CHST9: variants seen among roughly 807,000 people sequenced by gnomAD.
CHST9 encodes carbohydrate sulfotransferase 9, also known as GalNAc-4-sulfotransferase 2.
In CHST9, 41 loss-of-function variants were observed where a neutral mutation model predicts 44.4. The observed-to-expected ratio is 0.92, with a 90% CI of 0.72 to 1.20. CHST9 has a LOEUF of 1.20. CHST9 is among the 50% of genes most tolerant of loss of function. The pLI is 0.00. For missense variants in CHST9, 504 were observed against 516.5 expected (o/e 0.98, Z 0.23); for synonymous variants, 171 against 178.4 (o/e 0.96, Z 0.33).
chr18:26,967,781 T>G (rs2056486141), intron 4 of CHST9, among the ~76,000 whole-genome samples: 1 of 152,168 alleles, frequency 6.6e-6, no homozygotes, highest in African/African-American at 2.4e-5. Flanking sequence ...ATCAGTGGAC[T>G]GGGAAGGGTA....
chr18:26,943,340 C>T (rs2056112052), intron 5 of CHST9, among the ~76,000 whole-genome samples: 2 of 152,116 alleles, frequency 1.3e-5, no homozygotes, highest in African/African-American at 4.8e-5. Flanking sequence ...TGATGAGTTA[C>T]AGGGCATCTG....
At chr18:27,133,015 C>A (rs920846551) in intron 2 of CHST9, among the ~76,000 whole-genome samples, 1 of 152,172 alleles carries the variant, frequency 6.6e-6, no homozygotes, top group African/African-American at 2.4e-5. Flanking sequence ...GTCTCAAAAG[C>A]CAGAATGCCC....
At chr18:27,133,146 A>C (rs2143841251) in intron 2 of CHST9, among the ~76,000 whole-genome samples, 1 of 152,340 alleles carries the variant, frequency 6.6e-6, no homozygotes, top group African/African-American at 2.4e-5. Context: ...GGTACCTGCC[A>C]ACAGAACTAA....
At chr18:26,984,729 CAAA>C (rs200222761) in intron 4 of CHST9, among the ~76,000 whole-genome samples, 7 of 61,706 alleles carry the variant, frequency 1.1e-4, no homozygotes, top group Non-Finnish European at 1.5e-4. Flanking sequence ...TACCAAAAGA[CAAA>C]AAAAAAAAAA....
intron 2 of CHST9, among the ~76,000 whole-genome samples, chr18:27,073,431 G>A (rs1258992340): frequency 6.6e-6 from 1 of 151,718 alleles, no homozygotes; most frequent in Non-Finnish European, 1.5e-5. Flanking sequence ...CAGCGCAGGT[G>A]CTGGGTCAAA....
At chr18:27,141,498 G>A (rs1475251842) in intron 2 of CHST9, among the ~76,000 whole-genome samples, 1 of 144,168 alleles carries the variant, frequency 6.9e-6, no homozygotes, top group Non-Finnish European at 1.5e-5. Context: ...GGCTGAGGCA[G>A]AAGAATCACT....
At chr18:26,932,794 G>A (rs2055903399) in intron 5 of CHST9, among the ~76,000 whole-genome samples, 1 of 152,146 alleles carries the variant, frequency 6.6e-6, no homozygotes, top group Admixed American at 6.5e-5. Context: ...TTCTCTTATA[G>A]AACTCTTTTT....
At chr18:27,001,410 T>A (rs922749856) in intron 4 of CHST9, among the ~76,000 whole-genome samples, 1 of 152,192 alleles carries the variant, frequency 6.6e-6, no homozygotes, top group African/African-American at 2.4e-5. Flanking sequence ...GGGTGAAGCA[T>A]TAGCAAAAGT....
intron 1 of CHST9, among the ~76,000 whole-genome samples, chr18:27,181,964 A>G (rs9948409): frequency 0.72 from 109,417 of 152,100 alleles, 39,639 homozygotes; most frequent in East Asian, 0.8. Flanking sequence ...AGGCATGAAA[A>G]CTCATTTAAA....
chr18:26,992,884 T>G (rs1307662372), intron 4 of CHST9, among the ~76,000 whole-genome samples: 1 of 152,242 alleles, frequency 6.6e-6, no homozygotes, highest in East Asian at 1.9e-4. Context: ...CTATATACCC[T>G]GTAAATCCAC....
At position 27,019,689 on chromosome 18, in the gene CHST9, C is replaced by CAAAAAAA. The variant is rs60043018; in HGVS notation, c.202+4420_202+4426dup. ...AATTGACCACTGTTTCACTACATGG[C>CAAAAAAA]AAAAAAAAAAAAAAAAAAAAAAGAG... On this transcript the variant is annotated intron_variant, in intron 4 of 5. Coordinates refer to ENST00000618847, the MANE Select transcript of CHST9 (RefSeq NM_031422.6). Among the ~76,000 whole-genome samples, 108 of 91,134 alleles carry CAAAAAAA rather than the reference C, an allele frequency of 1.2e-3. 1 individual carries two copies. Among genetic ancestry groups the CAAAAAAA allele is most frequent in the Non-Finnish European group, 1.8e-3 (86 of 47,142 alleles). The allele number at this position is 91,134 out of a possible 152,430, so 59.8% of individuals were successfully genotyped here.
intron 4 of CHST9, among the ~76,000 whole-genome samples, chr18:27,020,347 T>C (rs562038290): frequency 1.6e-4 from 25 of 152,098 alleles, no homozygotes; most frequent in Non-Finnish European, 2.4e-4. Flanking sequence ...CCGAAAGAAA[T>C]GTACAGGAAG....
chr18:27,162,129 G>C (rs146458587), intron 1 of CHST9, among the ~76,000 whole-genome samples: 24 of 152,284 alleles, frequency 1.6e-4, no homozygotes, highest in African/African-American at 5.5e-4. Flanking sequence ...ATATTGTTAT[G>C]TGTGAATTTG....
Position 27,162,882 on chromosome 18 carries a change from G to T in CHST9, c.-96-19977C>A, listed in dbSNP as rs759837160. ...AGCTGTGTTCCTTTGGAGGAGGAGAGGCGCTCTGCTTTTTAGAGTTTCCAG... is the reference window on the plus strand; with the variant it reads ...AGCTGTGTTCCTTTGGAGGAGGAGATGCGCTCTGCTTTTTAGAGTTTCCAG... On this transcript the variant is annotated intron_variant, in intron 1 of 5. Transcript: ENST00000618847. 6.6e-5 allele frequency among the ~76,000 whole-genome samples: 10 copies of T among 152,312 alleles called. No homozygotes were observed. The East Asian group carries it at 1.5e-3, about 23-fold the overall frequency.
At chr18:27,142,581 G>T in intron 2 of CHST9, 108 bp downstream of exon 2, 2 of 786,328 alleles carry the variant, frequency 2.5e-6, no homozygotes, top group African/African-American at 1.8e-5. Context: ...ATTTTTTGTT[G>T]TTGAAAATAT....
At position 26,917,209 on chromosome 18, in the gene CHST9, G is replaced by A. The variant is rs1291792048; in HGVS notation, c.382C>T (p.Pro128Ser). 1.9e-6 allele frequency: 3 copies of A among 1,613,728 alleles called. No individual in the cohort carries two copies. The highest frequency in any genetic ancestry group is 2.7e-5 in the African/African-American group (2 of 74,880). The change falls in exon 6 of 6, where the codon CCA (proline) becomes TCA (serine). Residue 128 changes from proline to serine, a missense_variant. Coordinates refer to ENST00000618847, the MANE Select transcript of CHST9 (RefSeq NM_031422.6). ...CGTTTTTCAATCAACTTCTCTGTTG[G>A]TGACCCTGTGGACTTACTTAAAGCT... is the stretch of plus-strand genomic sequence containing the variant. ...DQALSKSTGS[P>S]TEKLIEKRQG...
intron 4 of CHST9, among the ~76,000 whole-genome samples, chr18:26,970,694 C>G (rs764134863): frequency 1.3e-5 from 2 of 152,196 alleles, no homozygotes; most frequent in Non-Finnish European, 2.9e-5. Context: ...TCCCAAAGTG[C>G]TGGGATTATA....
At chr18:27,061,516 T>G (rs974596087) in intron 2 of CHST9, among the ~76,000 whole-genome samples, 7 of 152,156 alleles carry the variant, frequency 4.6e-5, no homozygotes, top group African/African-American at 1.7e-4. Flanking sequence ...CCCAGGTGTC[T>G]GTATATGGCA....
At chr18:27,046,274 T>C (rs1351925729) in intron 3 of CHST9, among the ~76,000 whole-genome samples, 1 of 152,074 alleles carries the variant, frequency 6.6e-6, no homozygotes, top group Non-Finnish European at 1.5e-5. Context: ...AGTGCAAGAC[T>C]CTTTAAACAA....
Sources: gnomAD v4.1 joint callset for allele counts (sites outside exome capture counted in the v4.1 genomes callset) on GRCh38, gnomAD v4.1.1 for gene constraint, MANE v1.5 for transcripts, NCBI Gene and HGNC (gene_info 2026-07-23, HGNC 2026-07-21) for gene names.